EPS15: variants seen among roughly 807,000 people sequenced by gnomAD.
The protein encoded by EPS15 is epidermal growth factor receptor pathway substrate 15, also known as epidermal growth factor receptor substrate 15.
In EPS15, 72 loss-of-function variants were observed where a neutral mutation model predicts 113.8. The observed-to-expected ratio is 0.63, with a 90% CI of 0.52 to 0.77. The LOEUF is 0.77. Among genes scored for constraint, EPS15 ranks in the 30% least tolerant of loss-of-function variants. EPS15 has a pLI of 0.00. For missense variants in EPS15, 1,048 were observed against 1,045.8 expected (o/e 1.00, Z -0.03); for synonymous variants, 344 against 363.4 (o/e 0.95, Z 0.61).
intron 13 of EPS15, among the ~76,000 whole-genome samples, chr1:51,415,998 T>C (rs1650189504): frequency 1.3e-5 from 2 of 151,976 alleles, no homozygotes; most frequent in Non-Finnish European, 2.9e-5. Flanking sequence ...AATTTCAATA[T>C]CAATATCAGC....
At chr1:51,366,133 T>C in intron 21 of EPS15, 104 bp from the exon 22 acceptor site, 1 of 704,314 alleles carries the variant, frequency 1.4e-6, no homozygotes, top group Non-Finnish European at 2.3e-6. Flanking sequence ...AGTGGTACGA[T>C]CATGGCTCAC....
At chr1:51,426,837 C>CTATA (rs1553124706) in intron 12 of EPS15, among the ~76,000 whole-genome samples, 187 of 143,634 alleles carry the variant, frequency 1.3e-3, no homozygotes, top group Middle Eastern at 7.0e-3. Context: ...CTCTCTCTCT[C>CTATA]TATATATATA....
At chr1:51,457,266 A>G (rs150796758) in intron 8 of EPS15, among the ~76,000 whole-genome samples, 9,422 of 152,124 alleles carry the variant, frequency 0.062, 309 homozygotes, top group Non-Finnish European at 0.075. Flanking sequence ...CAGCCTGGGC[A>G]ACAAAGTGAG....
chr1:51,419,828 C>T (rs567958992), intron 13 of EPS15, among the ~76,000 whole-genome samples: 1 of 152,112 alleles, frequency 6.6e-6, no homozygotes, highest in East Asian at 1.9e-4. Flanking sequence ...ATACTTATTA[C>T]CACCTATGGT....
At chr1:51,461,610 A>G (rs1654460780) in intron 7 of EPS15, 1 of 151,274 alleles carries the variant, frequency 6.6e-6, no homozygotes, top group Non-Finnish European at 1.5e-5. Context: ...CCTTGAAAGG[A>G]GTTTGGGCTT....
Position 51,361,221 on chromosome 1 carries a change from T to G in EPS15, c.2494A>C (p.Thr832Pro). The G allele has an allele frequency of 1.2e-6, 2 of 1,614,062 alleles. No homozygotes were observed. The highest frequency in any genetic ancestry group is 1.7e-6 in the Non-Finnish European group (2 of 1,179,926). ...GGATCAGCCTCTTTATTGGTAGTGG[T>G]AGTAGCAGAAGTGAATGGATCACAA... is the stretch of plus-strand genomic sequence containing the variant. Reference protein sequence around the residue: ...IFCDPFTSATTTTNKEADPSN... With the variant: ...IFCDPFTSATPTTNKEADPSN... The change falls in exon 24 of 25, where the codon ACC becomes CCC. Residue 832 changes from threonine to proline, a missense_variant. Coordinates refer to ENST00000371733, the MANE Select transcript of EPS15 (RefSeq NM_001981.3).
chr1:51,390,536 A>G (rs542969255), intron 21 of EPS15, among the ~76,000 whole-genome samples: 1 of 151,528 alleles, frequency 6.6e-6, no homozygotes, highest in African/African-American at 2.4e-5. Context: ...GCAACCTACA[A>G]AATGGGAGAA....
At chr1:51,452,925 A>G (rs955549200) in intron 8 of EPS15, among the ~76,000 whole-genome samples, 6 of 152,186 alleles carry the variant, frequency 3.9e-5, no homozygotes, top group Admixed American at 2.6e-4. Flanking sequence ...GGGCCTGAGA[A>G]TTTGCATTTT....
chr1:51,513,015 T>G (rs1644653355), intron 1 of EPS15, among the ~76,000 whole-genome samples: 2 of 151,944 alleles, frequency 1.3e-5, no homozygotes, highest in South Asian at 2.1e-4. Flanking sequence ...ATTTTTTTTT[T>G]GTCCCAGATG....
chr1:51,361,283 C>T lies in EPS15; in HGVS notation c.2432G>A (p.Gly811Asp), dbSNP rs901601410. 15 of 1,613,650 alleles carry T rather than the reference C, an allele frequency of 9.3e-6. No individual in the cohort carries two copies. The highest frequency in any genetic ancestry group is 2.2e-5 in the South Asian group (2 of 91,062). The change falls in exon 24 of 25, where the codon GGC becomes GAC. Residue 811 changes from glycine (G) to aspartate (D), a missense_variant. By Grantham distance (94) the Gly-to-Asp change is moderately conservative. Transcript: ENST00000371733. ...ATCTTTTTCTTTGGGGCTATCGTTG[C>T]CTGGGAAAGGCTGAAATGGATCATT... ...KLNDPFQPFP[G>D]NDSPKEKDPE... is the part of the protein sequence containing the mutation.
chr1:51,429,132 A>G (rs1014160709), intron 12 of EPS15, among the ~76,000 whole-genome samples: 30 of 152,130 alleles, frequency 2.0e-4, no homozygotes, highest in African/African-American at 7.0e-4. Flanking sequence ...TGGCTTCCAT[A>G]TTCCTGGGAT....
intron 21 of EPS15, among the ~76,000 whole-genome samples, chr1:51,387,363 T>G (rs528847507): frequency 1.3e-3 from 198 of 151,602 alleles, no homozygotes; most frequent in African/African-American, 4.6e-3. Flanking sequence ...CACTGCAAAA[T>G]CATGCCAAAT....
chr1:51,377,697 G>C (rs1184722834), intron 21 of EPS15, among the ~76,000 whole-genome samples: 1 of 152,088 alleles, frequency 6.6e-6, no homozygotes, highest in Non-Finnish European at 1.5e-5. Context: ...ATCGAACAGT[G>C]TCACATGCTA....
At chr1:51,422,483 A>G (rs1273447692) in intron 12 of EPS15, among the ~76,000 whole-genome samples, 1 of 152,258 alleles carries the variant, frequency 6.6e-6, no homozygotes, top group Non-Finnish European at 1.5e-5. Context: ...AACAGTATAT[A>G]TAAAGTAAAA....
chr1:51,398,766 C>A (rs1648222245), intron 20 of EPS15, among the ~76,000 whole-genome samples: 1 of 152,084 alleles, frequency 6.6e-6, no homozygotes, highest in African/African-American at 2.4e-5. Context: ...TTTTTAGTAT[C>A]CTCAATAGGA....
At chr1:51,491,415 A>C (rs1644230126) in intron 1 of EPS15, among the ~76,000 whole-genome samples, 1 of 152,186 alleles carries the variant, frequency 6.6e-6, no homozygotes, top group Admixed American at 6.5e-5. Flanking sequence ...ATACACCAAG[A>C]GTCTATGTTT....
chr1:51,382,491 T>C (rs1646964912), intron 21 of EPS15: 1 of 150,340 alleles, frequency 6.7e-6, no homozygotes, highest in South Asian at 2.1e-4. Context: ...TAATCTCGGC[T>C]CACTGCAACC....
intron 1 of EPS15, among the ~76,000 whole-genome samples, chr1:51,505,980 A>G (rs1270067390): frequency 1.3e-5 from 2 of 151,966 alleles, no homozygotes; most frequent in Non-Finnish European, 2.9e-5. Flanking sequence ...TCTGCCTCCT[A>G]GGTTCAAGCA....
At chr1:51,484,287 T>C (rs1195315293) in intron 1 of EPS15, among the ~76,000 whole-genome samples, 1 of 151,654 alleles carries the variant, frequency 6.6e-6, no homozygotes, top group East Asian at 1.9e-4. Flanking sequence ...TTGGGCCAGG[T>C]GTAGTCGCTC....
Sources: gnomAD v4.1 joint callset for allele counts (sites outside exome capture counted in the v4.1 genomes callset) on GRCh38, gnomAD v4.1.1 for gene constraint, MANE v1.5 for transcripts, NCBI Gene and HGNC (gene_info 2026-07-23, HGNC 2026-07-21) for gene names.